Variants in SGCZ observed in about 807,000 individuals in gnomAD.
The protein encoded by SGCZ is sarcoglycan zeta.
In SGCZ, 40 loss-of-function variants were observed where a neutral mutation model predicts 41.3. The ratio of observed to expected loss-of-function variants is 0.97; its 90% CI spans 0.75 to 1.26. The LOEUF (loss-of-function observed/expected upper bound fraction) is 1.26, where lower values mean the gene tolerates loss of function less well. Ranked by LOEUF, SGCZ falls within the 50% of genes most tolerant of loss-of-function variation. SGCZ has a pLI of 0.00. For synonymous variants in SGCZ, 206 were observed against 137.5 expected (o/e 1.50, Z -3.49); for missense variants, 552 against 369.8 (o/e 1.49, Z -4.04).
At chr8:14,224,668 C>G (rs144363020) in intron 4 of SGCZ, among the ~76,000 whole-genome samples, 1 of 152,196 alleles carries the variant, frequency 6.6e-6, no homozygotes, top group East Asian at 1.9e-4. Flanking sequence ...CACAGAAAAG[C>G]TTTTATTGTG....
At chr8:15,037,019 A>G (rs1182486841) in intron 1 of SGCZ, among the ~76,000 whole-genome samples, 1 of 152,214 alleles carries the variant, frequency 6.6e-6, no homozygotes, top group African/African-American at 2.4e-5. Flanking sequence ...AGAAGCAGAA[A>G]AAGCATTTGA....
intron 1 of SGCZ, among the ~76,000 whole-genome samples, chr8:15,109,926 T>A (rs947503018): frequency 6.6e-6 from 1 of 152,320 alleles, no homozygotes; most frequent in Non-Finnish European, 1.5e-5. Context: ...AATATACATA[T>A]ATACAAATAT....
intron 2 of SGCZ, among the ~76,000 whole-genome samples, chr8:14,466,560 C>T (rs73519384): frequency 0.012 from 1,782 of 152,004 alleles, 40 homozygotes; most frequent in African/African-American, 0.041. Flanking sequence ...CTGTATCCCT[C>T]TTCATCTGGG....
At chr8:14,415,787 T>G (rs1345084326) in intron 2 of SGCZ, among the ~76,000 whole-genome samples, 1 of 151,892 alleles carries the variant, frequency 6.6e-6, no homozygotes, top group African/African-American at 2.4e-5. Flanking sequence ...GCAACGAAAG[T>G]GTGCATGAAA....
At chr8:14,355,297 T>A (rs969125854) in intron 2 of SGCZ, among the ~76,000 whole-genome samples, 1 of 152,074 alleles carries the variant, frequency 6.6e-6, no homozygotes, top group African/African-American at 2.4e-5. Context: ...AAACTCAAAG[T>A]CTATATTCTC....
intron 1 of SGCZ, among the ~76,000 whole-genome samples, chr8:14,957,501 T>C (rs774593347): frequency 1.3e-5 from 2 of 152,050 alleles, no homozygotes; most frequent in Non-Finnish European, 2.9e-5. Context: ...ATATTTTATA[T>C]TTAATATACA....
intron 1 of SGCZ, among the ~76,000 whole-genome samples, chr8:15,094,474 C>T (rs964358171): frequency 6.6e-6 from 1 of 152,118 alleles, no homozygotes; most frequent in Admixed American, 6.5e-5. Flanking sequence ...TCTGAGGACA[C>T]ATATGAGCCG....
At chr8:14,295,111 T>G (rs909687493) in intron 3 of SGCZ, among the ~76,000 whole-genome samples, 1 of 152,184 alleles carries the variant, frequency 6.6e-6, no homozygotes, top group African/African-American at 2.4e-5. Flanking sequence ...TGAAAACTTA[T>G]GTCCATACAA....
At chr8:14,949,307 A>G (rs1273322809) in intron 1 of SGCZ, among the ~76,000 whole-genome samples, 3 of 152,124 alleles carry the variant, frequency 2.0e-5, no homozygotes, top group Non-Finnish European at 4.4e-5. Flanking sequence ...GAAAAGTAGT[A>G]ATTAGAAATA....
rs1262581560 is a variant in SGCZ at position 14,423,022 on chromosome 8, T to C, written c.235-98818A>G. ...CAGCCTGGGCAACAGTGTGAGACCC[T>C]GTATTAAAAACAAAACAAAACAAAA... On this transcript the variant is annotated intron_variant, in intron 2 of 7. Coordinates refer to ENST00000382080, the MANE Select transcript of SGCZ (RefSeq NM_139167.4). 5.9e-5 allele frequency among the ~76,000 whole-genome samples: 9 copies of C among 152,256 alleles called. No individual in the cohort carries two copies. The East Asian group carries it at 1.5e-3, about 26-fold the overall frequency.
intron 2 of SGCZ, chr8:14,332,766 T>A (rs1802381562): frequency 6.6e-6 from 1 of 151,604 alleles, no homozygotes; most frequent in South Asian, 2.1e-4. Context: ...TAATTATATT[T>A]AAATTATAAA....
chr8:15,045,809 T>C (rs915672014), intron 1 of SGCZ, among the ~76,000 whole-genome samples: 1 of 151,996 alleles, frequency 6.6e-6, no homozygotes, highest in Non-Finnish European at 1.5e-5. Flanking sequence ...TTCCCCTCAG[T>C]GCAGACACCA....
intron 1 of SGCZ, among the ~76,000 whole-genome samples, chr8:14,843,437 T>G (rs1353830163): frequency 3.3e-5 from 5 of 152,186 alleles, no homozygotes; most frequent in African/African-American, 4.8e-5. Flanking sequence ...CTTAGTATTT[T>G]GTATGTACCT....
chr8:14,242,700 G>C (rs983882006), intron 3 of SGCZ, among the ~76,000 whole-genome samples: 1 of 152,016 alleles, frequency 6.6e-6, no homozygotes, highest in African/African-American at 2.4e-5. Context: ...TCACAAATAA[G>C]TATAGTACAA....
At chr8:14,827,567 A>T (rs75514238) in intron 1 of SGCZ, among the ~76,000 whole-genome samples, 2 of 152,208 alleles carry the variant, frequency 1.3e-5, no homozygotes, top group South Asian at 4.1e-4. Context: ...CACAGAGTCA[A>T]TGTGGGAAGG....
chr8:15,118,369 C>T (rs993559431), intron 1 of SGCZ, among the ~76,000 whole-genome samples: 3 of 152,064 alleles, frequency 2.0e-5, no homozygotes, highest in African/African-American at 7.2e-5. Context: ...GGTCTAAGTT[C>T]TCTGGGTGTG....
At chr8:14,126,576 G>A (rs768864546) in intron 5 of SGCZ, among the ~76,000 whole-genome samples, 10 of 152,208 alleles carry the variant, frequency 6.6e-5, no homozygotes, top group Non-Finnish European at 1.3e-4. Flanking sequence ...AGACAGTGTA[G>A]CATTTCCTCA....
intron 2 of SGCZ, among the ~76,000 whole-genome samples, chr8:14,471,707 A>G (rs1400338185): frequency 1.3e-5 from 2 of 152,160 alleles, no homozygotes; most frequent in Non-Finnish European, 2.9e-5. Flanking sequence ...GAAGCTATTC[A>G]ATAAATAAAA....
intron 1 of SGCZ, among the ~76,000 whole-genome samples, chr8:14,717,288 C>T (rs552787425): frequency 1.4e-4 from 21 of 152,154 alleles, no homozygotes; most frequent in Non-Finnish European, 2.8e-4. Flanking sequence ...GTAGGGAATA[C>T]ATGCTTTCTT....
Sources: gnomAD v4.1 joint callset for allele counts (sites outside exome capture counted in the v4.1 genomes callset) on GRCh38, gnomAD v4.1.1 for gene constraint, MANE v1.5 for transcripts, NCBI Gene and HGNC (gene_info 2026-07-23, HGNC 2026-07-21) for gene names.